The following SLC25A12 variants were observed in gnomAD, a reference collection of about 807,000 sequenced individuals.
The protein encoded by SLC25A12 is electrogenic aspartate/glutamate antiporter SLC25A12, mitochondrial.
A neutral mutation model predicts 83.3 loss-of-function variants in SLC25A12; 32 were observed. That is an observed-to-expected ratio of 0.38 (90% CI 0.29 to 0.52). The LOEUF is 0.52. SLC25A12 is among the 20% of genes least tolerant of loss of function. SLC25A12 has a pLI of 0.84. For missense variants in SLC25A12, 611 were observed against 835.6 expected (o/e 0.73, Z 3.31); for synonymous variants, 267 against 291.1 (o/e 0.92, Z 0.84).
intron 5 of SLC25A12, among the ~76,000 whole-genome samples, chr2:171,840,298 T>A (rs566195829): frequency 1.3e-5 from 2 of 151,652 alleles, no homozygotes; most frequent in South Asian, 4.2e-4. Context: ...GGTGAAAGGA[T>A]CCCTGGAACC....
At chr2:171,832,815 G>A (rs1684471372) in intron 8 of SLC25A12, among the ~76,000 whole-genome samples, 1 of 152,138 alleles carries the variant, frequency 6.6e-6, no homozygotes, top group Non-Finnish European at 1.5e-5. Flanking sequence ...AAAATAGAAG[G>A]AGACTGGATC....
At chr2:171,844,817 T>TC (rs1684758929) in intron 4 of SLC25A12, among the ~76,000 whole-genome samples, 1 of 152,198 alleles carries the variant, frequency 6.6e-6, no homozygotes, top group Non-Finnish European at 1.5e-5. Flanking sequence ...CTATTTTACA[T>TC]CCCGTATAAA....
chr2:171,850,511 A>G (rs191513794), intron 4 of SLC25A12, among the ~76,000 whole-genome samples: 4 of 151,470 alleles, frequency 2.6e-5, no homozygotes, highest in Admixed American at 2.6e-4. Context: ...ATGCCCGGCT[A>G]ATTTGTTTGT....
chr2:171,840,443 T>C (rs1684648451), intron 5 of SLC25A12, among the ~76,000 whole-genome samples: 1 of 147,996 alleles, frequency 6.8e-6, no homozygotes, highest in Non-Finnish European at 1.5e-5. Flanking sequence ...AATAAATAAA[T>C]AAATGTGGAG....
intron 2 of SLC25A12, among the ~76,000 whole-genome samples, chr2:171,890,879 T>C (rs1003116436): frequency 6.6e-6 from 1 of 152,208 alleles, no homozygotes; most frequent in African/African-American, 2.4e-5. Context: ...TGTCAATGTT[T>C]CATACTTAGT....
Position 171,791,515 on chromosome 2 carries a change from T to A in SLC25A12, c.1521A>T (p.Leu507=). 6.2e-7 allele frequency: 1 copy of A among 1,613,742 alleles called. No homozygotes were observed. The highest frequency in any genetic ancestry group is 1.1e-5 in the South Asian group (1 of 91,068). ...CGTGTCCATTTTCATCAGCCAGAAG[T>A]AGTTTGCAATGAGCATAAACAGGAA... ...IYFPVYAHCK[L]LLADENGHVG... Residue 507 remains leucine, a synonymous_variant, in exon 15 of 18, where the codon CTA becomes CTT. Transcript: ENST00000422440.
chr2:171,851,581 C>A (rs942321145), intron 4 of SLC25A12, among the ~76,000 whole-genome samples: 4 of 151,842 alleles, frequency 2.6e-5, no homozygotes, highest in African/African-American at 7.3e-5. Context: ...GTTACCCAGG[C>A]TAGAGTGTAA....
chr2:171,868,607 C>T, intron 3 of SLC25A12, 74 bp downstream of exon 3: 2 of 1,477,342 alleles, frequency 1.4e-6, no homozygotes, highest in Non-Finnish European at 1.9e-6. Context: ...AGCCACTGTG[C>T]CCAGCTGGTT....
chr2:171,800,323 T>TCACACACA (rs60362750), intron 13 of SLC25A12, among the ~76,000 whole-genome samples: 2 of 149,428 alleles, frequency 1.3e-5, no homozygotes, highest in African/African-American at 4.9e-5. Context: ...AACAGATACT[T>TCACACACA]CACACACACA....
intron 11 of SLC25A12, among the ~76,000 whole-genome samples, chr2:171,810,834 A>C (rs1037206705): frequency 1.3e-5 from 2 of 152,238 alleles, no homozygotes; most frequent in African/African-American, 4.8e-5. Flanking sequence ...AACTGCAAAG[A>C]AAAATGCAGT....
intron 4 of SLC25A12, among the ~76,000 whole-genome samples, chr2:171,850,962 G>A (rs977921068): frequency 6.6e-6 from 1 of 152,130 alleles, no homozygotes; most frequent in Non-Finnish European, 1.5e-5. Context: ...TTTGCTATAT[G>A]TATTAATGGT....
intron 3 of SLC25A12, among the ~76,000 whole-genome samples, chr2:171,862,995 G>A (rs1051086252): frequency 1.6e-4 from 24 of 152,114 alleles, no homozygotes; most frequent in African/African-American, 5.1e-4. Flanking sequence ...AAACACTTGG[G>A]CTCAAACAAT....
intron 10 of SLC25A12, 49 bp downstream of exon 10, chr2:171,815,069 GATA>G (rs1684022891): frequency 7.0e-6 from 10 of 1,429,588 alleles, no homozygotes; most frequent in Non-Finnish European, 9.9e-6. Context: ...AGTCTGGTGA[GATA>G]ATATTACATT....
chr2:171,828,336 A>G (rs1002361239), intron 8 of SLC25A12, among the ~76,000 whole-genome samples: 5 of 152,214 alleles, frequency 3.3e-5, no homozygotes, highest in African/African-American at 4.8e-5. Flanking sequence ...TTCCAGAACA[A>G]ACTCACAGAT....
intron 6 of SLC25A12, among the ~76,000 whole-genome samples, chr2:171,835,454 G>A (rs1203126250): frequency 6.6e-6 from 1 of 152,196 alleles, no homozygotes; most frequent in East Asian, 1.9e-4. Flanking sequence ...AAAATCTGGA[G>A]AGAATTTATT....
intron 5 of SLC25A12, among the ~76,000 whole-genome samples, chr2:171,838,500 T>C (rs1322560398): frequency 1.3e-5 from 2 of 152,210 alleles, no homozygotes; most frequent in African/African-American, 4.8e-5. Flanking sequence ...TCTTTCCTTC[T>C]ACCTCTTTTC....
chr2:171,785,273 A>G lies in SLC25A12; in HGVS notation c.*1T>C. 6.2e-7 allele frequency: 1 copy of G among 1,614,066 alleles called. No individual in the cohort carries two copies. The highest frequency in any genetic ancestry group is 1.1e-5 in the South Asian group (1 of 91,012). ...TTTTGCCACACTCAACAGTTGTCTC[A>G]TCACTGAGTGGCTGCCACTGCTGCC... is the stretch of plus-strand genomic sequence containing the variant. On this transcript the variant is annotated 3_prime_UTR_variant, in exon 18 of 18. Transcript: ENST00000422440.
rs188276992 is a variant in SLC25A12 at position 171,874,972 on chromosome 2, C to T, written c.67-6149G>A. Among the ~76,000 whole-genome samples the T allele has an allele frequency of 4.9e-4, 74 of 152,294 alleles. 1 individual carries two copies. The East Asian group carries it at 0.011, about 22-fold the overall frequency. On this transcript the variant is annotated intron_variant, in intron 2 of 17. Transcript: ENST00000422440. ...CCCTTCGCAAACCCCCTTTTCTCCA[C>T]GGCAGATGGGAAATTGGCTGTTCGC...
At chr2:171,849,952 C>A (rs982822892) in intron 4 of SLC25A12, among the ~76,000 whole-genome samples, 5 of 151,910 alleles carry the variant, frequency 3.3e-5, no homozygotes. Flanking sequence ...CAGGTGCATA[C>A]CACCATAACT....
Sources: gnomAD v4.1 joint callset for allele counts (sites outside exome capture counted in the v4.1 genomes callset) on GRCh38, gnomAD v4.1.1 for gene constraint, MANE v1.5 for transcripts, NCBI Gene and HGNC (gene_info 2026-07-23, HGNC 2026-07-21) for gene names.